The following KAT6B variants were observed in gnomAD, a reference collection of about 807,000 sequenced individuals.
KAT6B encodes histone acetyltransferase KAT6B.
In KAT6B, 10 loss-of-function variants were observed where a neutral mutation model predicts 187.5. The ratio of observed to expected loss-of-function variants is 0.05; its 90% confidence interval spans 0.03 to 0.09. The LOEUF is 0.09. Among genes scored for constraint, KAT6B ranks in the 10% least tolerant of loss-of-function variants. KAT6B has a pLI of 1.00. For synonymous variants in KAT6B, 861 were observed against 926.8 expected (o/e 0.93, Z 1.29); for missense variants, 1,952 against 2,558.9 (o/e 0.76, Z 5.12).
At chr10:74,977,094 G>A (rs1842208739) in intron 8 of KAT6B, 14 of 446,150 alleles carry the variant, frequency 3.1e-5, no homozygotes, top group Admixed American at 2.1e-4. Flanking sequence ...TATTAAAGCT[G>A]TAAAAAGATG....
At chr10:74,945,046 C>G (rs980030908) in intron 3 of KAT6B, among the ~76,000 whole-genome samples, 2 of 152,072 alleles carry the variant, frequency 1.3e-5, no homozygotes, top group African/African-American at 4.8e-5. Flanking sequence ...TAAATGAAAA[C>G]ATGTACACAA....
At chr10:74,961,312 G>A (rs147184162) in intron 4 of KAT6B, among the ~76,000 whole-genome samples, 45 of 152,242 alleles carry the variant, frequency 3.0e-4, no homozygotes, top group Non-Finnish European at 1.3e-4. Flanking sequence ...GTTTTCTCAC[G>A]AGGCTCATTC....
chr10:74,889,876 A>G (rs1845531317), intron 3 of KAT6B, among the ~76,000 whole-genome samples: 3 of 152,154 alleles, frequency 2.0e-5, no homozygotes, highest in Non-Finnish European at 4.4e-5. Flanking sequence ...ATGAACTCAC[A>G]GTTTAGTAGT....
chr10:74,899,737 G>A (rs1276032773), intron 3 of KAT6B, among the ~76,000 whole-genome samples: 3 of 152,068 alleles, frequency 2.0e-5, no homozygotes, highest in African/African-American at 4.8e-5. Context: ...AGTGACCTTA[G>A]GGCAGTATTA....
intron 7 of KAT6B, among the ~76,000 whole-genome samples, chr10:74,973,065 T>C (rs1382905320): frequency 6.6e-6 from 1 of 152,244 alleles, no homozygotes; most frequent in African/African-American, 2.4e-5. Context: ...TACCTCTCTC[T>C]TCTGATAGTA....
chr10:74,962,649 G>A (rs1012007840), intron 4 of KAT6B, among the ~76,000 whole-genome samples: 1 of 152,198 alleles, frequency 6.6e-6, no homozygotes, highest in Non-Finnish European at 1.5e-5. Flanking sequence ...TTTCCCATAT[G>A]TGCCTGATGC....
At chr10:74,904,086 A>G (rs1362114265) in intron 3 of KAT6B, among the ~76,000 whole-genome samples, 1 of 152,184 alleles carries the variant, frequency 6.6e-6, no homozygotes, top group Non-Finnish European at 1.5e-5. Context: ...CCATGGCATC[A>G]AACACCTGTC....
chr10:74,985,286 T>C, intron 12 of KAT6B, 45 bp downstream of exon 12: 2 of 1,589,936 alleles, frequency 1.3e-6, no homozygotes, highest in South Asian at 2.2e-5. Flanking sequence ...TTTCAAAATG[T>C]TTTTGGTAGA....
chr10:74,988,878 A>G, intron 12 of KAT6B, 141 bp from the exon 13 acceptor site: 2 of 747,604 alleles, frequency 2.7e-6, no homozygotes, highest in South Asian at 2.8e-5. Context: ...ATTGATTAAT[A>G]TAGTAGGATT....
intron 3 of KAT6B, among the ~76,000 whole-genome samples, chr10:74,955,222 A>T (rs1197351516): frequency 2.0e-5 from 3 of 152,220 alleles, no homozygotes; most frequent in African/African-American, 7.2e-5. Flanking sequence ...GAAGAAAAAA[A>T]CATATATGTT....
At chr10:75,000,443 C>T (rs1402834102) in intron 13 of KAT6B, among the ~76,000 whole-genome samples, 1 of 152,052 alleles carries the variant, frequency 6.6e-6, no homozygotes, top group Non-Finnish European at 1.5e-5. Context: ...AATACTTAAA[C>T]CTACTAACTA....
rs192970394 is a variant in KAT6B at position 74,841,000 on chromosome 10, T to C, written c.-258-1600T>C. ...GAGATAACTTTAATTTTGTATTTTG[T>C]TATAAAAATTTCAAAGTATATAGAT... On this transcript the variant is annotated intron_variant, in intron 2 of 17. Transcript: ENST00000287239. 3.4e-3 allele frequency among the ~76,000 whole-genome samples: 522 copies of C among 152,362 alleles called. 3 individuals are homozygous for C. Among genetic ancestry groups the C allele is most frequent in the Admixed American group, 6.3e-3 (97 of 15,310 alleles).
intron 4 of KAT6B, among the ~76,000 whole-genome samples, chr10:74,966,993 G>A (rs559342162): frequency 1.7e-4 from 26 of 152,008 alleles, no homozygotes; most frequent in Non-Finnish European, 3.2e-4. Context: ...TCATGCCACC[G>A]CACTCCAGCC....
At chr10:75,009,509 G>A (rs1391625541) in intron 13 of KAT6B, among the ~76,000 whole-genome samples, 1 of 152,128 alleles carries the variant, frequency 6.6e-6, no homozygotes, top group Admixed American at 6.5e-5. Flanking sequence ...TTAATGTATT[G>A]TTACTGAAGT....
At chr10:74,868,735 C>T (rs571997209) in intron 3 of KAT6B, among the ~76,000 whole-genome samples, 1 of 152,328 alleles carries the variant, frequency 6.6e-6, no homozygotes, top group South Asian at 2.1e-4. Flanking sequence ...TTATTAAGCA[C>T]ATATTCTGTG....
intron 4 of KAT6B, among the ~76,000 whole-genome samples, chr10:74,960,748 T>G (rs1024126042): frequency 1.3e-5 from 2 of 152,150 alleles, no homozygotes; most frequent in Non-Finnish European, 2.9e-5. Flanking sequence ...AGCACCATCC[T>G]CTTGGGTTTT....
intron 4 of KAT6B, among the ~76,000 whole-genome samples, chr10:74,963,551 G>A (rs1176825344): frequency 6.6e-6 from 1 of 152,194 alleles, no homozygotes; most frequent in African/African-American, 2.4e-5. Context: ...CCGTGGAGTA[G>A]AATATCAGTG....
chr10:74,985,014 G>A, intron 11 of KAT6B, 66 bp from the exon 12 acceptor site: 1 of 1,409,040 alleles, frequency 7.1e-7, no homozygotes, highest in Non-Finnish European at 1.0e-6. Context: ...ATACCATATA[G>A]AAGAAACAAT....
intron 13 of KAT6B, among the ~76,000 whole-genome samples, chr10:75,000,107 G>T (rs1843723464): frequency 6.6e-6 from 1 of 152,114 alleles, no homozygotes; most frequent in Admixed American, 6.5e-5. Context: ...GGGAAGCAGA[G>T]GTTGCAGTGA....
Sources: gnomAD v4.1 joint callset for allele counts (sites outside exome capture counted in the v4.1 genomes callset) on GRCh38, gnomAD v4.1.1 for gene constraint, MANE v1.5 for transcripts, NCBI Gene and HGNC (gene_info 2026-07-23, HGNC 2026-07-21) for gene names.